Variants in LRRC45 observed in about 807,000 individuals in gnomAD.
LRRC45 encodes the protein leucine rich repeat containing 45, also known as leucine-rich repeat-containing protein 45.
LRRC45 carries 73 observed loss-of-function variants against 85.4 expected under a neutral mutation model. The observed-to-expected ratio is 0.85, with a 90% CI of 0.71 to 1.04. The LOEUF (loss-of-function observed/expected upper bound fraction) is 1.04. Ranked by LOEUF, LRRC45 falls within the 50% of genes least tolerant of loss-of-function variation. LRRC45 has a pLI of 0.00. For missense variants in LRRC45, 937 were observed against 883.3 expected (o/e 1.06, Z -0.77); for synonymous variants, 429 against 386.0 (o/e 1.11, Z -1.31).
chr17:82,024,034 G>A (rs559800222), intron 1 of LRRC45, 171 bp downstream of exon 1: 3 of 718,528 alleles, frequency 4.2e-6, no homozygotes, highest in African/African-American at 1.8e-5. Flanking sequence ...TCTGTATGAC[G>A]GGGGAGAGGC....
rs776100787 is a variant in LRRC45, at chr17:82,025,362, T to C, written c.533-17T>C. On this transcript the variant is annotated splice_polypyrimidine_tract_variant and intron_variant, in intron 4 of 16. Transcript: ENST00000306688. ...TGCCAGGTGCATTCTGTCTGGTGAC[T>C]ACAGGTTTCCTTCCAGACCTGCGCT... The C allele has an allele frequency of 8.3e-6, 13 of 1,561,930 alleles. No homozygotes were observed. Among genetic ancestry groups the C allele is most frequent in the Non-Finnish European group, 1.1e-5 (13 of 1,152,972 alleles).
intron 6 of LRRC45, 68 bp downstream of exon 6, chr17:82,027,079 C>T: frequency 7.5e-7 from 1 of 1,336,368 alleles, no homozygotes; most frequent in Non-Finnish European, 1.0e-6. Flanking sequence ...GTCCTTCCTC[C>T]CTCAGCCCCG....
chr17:82,029,242 G>A (rs758791243), intron 13 of LRRC45, 57 bp downstream of exon 13: 8 of 1,531,618 alleles, frequency 5.2e-6, no homozygotes, highest in Non-Finnish European at 6.2e-6. Flanking sequence ...GAACAAGGCA[G>A]GGGCCCCTGG....
At chr17:82,028,192 G>A (rs772697300) in intron 9 of LRRC45, 42 bp from the exon 10 acceptor site, 67 of 1,559,866 alleles carry the variant, frequency 4.3e-5, no homozygotes, top group Non-Finnish European at 5.2e-5. Context: ...GGTGCGTGGC[G>A]GCTTCGTGAC....
At position 82,029,092 on chromosome 17, in the gene LRRC45, G is replaced by A. The variant is rs1361753828; in HGVS notation, c.1309-1G>A. 6.2e-7 allele frequency: 1 copy of A among 1,612,062 alleles called. No homozygotes were observed. The highest frequency in any genetic ancestry group is 8.5e-7 in the Non-Finnish European group (1 of 1,179,770). On this transcript the variant is annotated splice_acceptor_variant, in intron 12 of 16. Coordinates refer to ENST00000306688, the MANE Select transcript of LRRC45 (RefSeq NM_144999.4). LOFTEE classifies it high-confidence loss of function. ...GCCCCACAATCCCTGCCCCTGAGCA[G>A]GTGGAGCATATGACCCGTCACCTGG...
In LRRC45 at chr17:82,027,319, C is replaced by T. The variant is rs558677092; in HGVS notation, c.775-67C>T. On this transcript the variant is annotated intron_variant, in intron 6 of 16. Coordinates refer to ENST00000306688, the MANE Select transcript of LRRC45 (RefSeq NM_144999.4). ...CATTGGTGGGCGCTGGCTCTCCTTC[C>T]CCCTGAGAAGGTCAGGTGGACAGGC... 303 of 1,581,908 alleles carry T rather than the reference C, an allele frequency of 1.9e-4. 1 individual carries two copies. The highest frequency in any genetic ancestry group is 2.3e-4 in the Non-Finnish European group (267 of 1,153,648).
Position 82,023,492 on chromosome 17 carries a change from C to T in LRRC45, c.-152C>T. On this transcript the variant is annotated 5_prime_UTR_variant, in exon 1 of 17. Coordinates refer to ENST00000306688, the MANE Select transcript of LRRC45 (RefSeq NM_144999.4). ...CCGCCCAGCCCCGCGCTCCCAGGAC[C>T]TCCCGCCCGCGGAGCCCACTCGGAT... 2 of 679,798 alleles carry T rather than the reference C, an allele frequency of 2.9e-6. No homozygotes were observed. The highest frequency in any genetic ancestry group is 3.1e-5 in the Admixed American group (1 of 32,254). 42.1% of individuals were successfully genotyped at this position (679,798 alleles called of 1,614,324 possible). A position where few individuals can be genotyped will look rare whatever the true frequency, so the allele number is the denominator to read the frequency against.
Position 82,030,901 on chromosome 17 carries a change from C to A in LRRC45, c.*96C>A. The A allele has an allele frequency of 1.0e-6, 1 of 975,346 alleles. No individual in the cohort carries two copies. Among genetic ancestry groups the A allele is most frequent in the Non-Finnish European group, 1.4e-6 (1 of 737,434 alleles). The allele number at this position is 975,346 out of a possible 1,614,324, so 60.4% of individuals were successfully genotyped here. ...CCCGCCCGCGCCGCCTCTTTGAGAC[C>A]CGGGTCGTCTGTTCCACGCGGCGGT... On this transcript the variant is annotated 3_prime_UTR_variant, in exon 17 of 17. Transcript: ENST00000306688.
intron 6 of LRRC45, 91 bp from the exon 7 acceptor site, chr17:82,027,295 A>G (rs1356778081): frequency 6.0e-6 from 9 of 1,508,384 alleles, no homozygotes; most frequent in Non-Finnish European, 8.3e-6. Context: ...GCCTTGCCAC[A>G]TTGGTGGGCG....
intron 11 of LRRC45, 44 bp downstream of exon 11, chr17:82,028,552 A>C (rs368294575): frequency 3.2e-5 from 51 of 1,610,660 alleles, no homozygotes; most frequent in Non-Finnish European, 4.1e-5. Context: ...GGGGATGGGC[A>C]CCGGGGGACG....
chr17:82,028,814 C>A, intron 12 of LRRC45, 131 bp downstream of exon 12: 1 of 1,078,630 alleles, frequency 9.3e-7, no homozygotes, highest in Non-Finnish European at 1.3e-6. Flanking sequence ...ATTTTGCCAG[C>A]CTGAGCGGAT....
rs775792915 is a variant in LRRC45 at position 82,030,808 on chromosome 17, C to T, written c.*3C>T. ...GGACCCTGAGCCCCCCAAAGTGAGACAGGCCGGGAGGACCCGGGCGCAGTA... is the reference window on the plus strand; with the variant it reads ...GGACCCTGAGCCCCCCAAAGTGAGATAGGCCGGGAGGACCCGGGCGCAGTA... On this transcript the variant is annotated 3_prime_UTR_variant, in exon 17 of 17. Transcript: ENST00000306688. 1.5e-6 allele frequency: 2 copies of T among 1,349,180 alleles called. No individual in the cohort carries two copies. The allele number at this position is 1,349,180 out of a possible 1,614,324, so 83.6% of individuals were successfully genotyped here.
rs376511672 is a variant in LRRC45, at chr17:82,030,211, G to T, written c.1641G>T (p.Leu547=). The part of the protein sequence containing the change: ...VSQLGLQVEG[L]RRRLEELQQE... Reference sequence around the variant, plus strand: ...AGCTGGGCCTGCAAGTTGAGGGCCTGCGGCGGCGCCTGGAAGAGCTGCAGC... The same window carrying T: ...AGCTGGGCCTGCAAGTTGAGGGCCTTCGGCGGCGCCTGGAAGAGCTGCAGC... Residue 547 remains leucine (L), a synonymous_variant, in exon 15 of 17, where the codon CTG becomes CTT. Transcript: ENST00000306688. 3.3e-6 allele frequency: 5 copies of T among 1,537,840 alleles called. No individual in the cohort carries two copies. The Middle Eastern group carries it at 5.4e-4, about 167-fold the overall frequency.
intron 14 of LRRC45, 51 bp downstream of exon 14, chr17:82,029,686 T>G (rs1184735786): frequency 6.6e-7 from 1 of 1,512,318 alleles, no homozygotes; most frequent in Non-Finnish European, 9.0e-7. Flanking sequence ...TGCCCGGCAT[T>G]GCGGCCCGCA....
intron 5 of LRRC45, among the ~76,000 whole-genome samples, chr17:82,026,565 T>TGC (rs1491230878): frequency 6.8e-5 from 1 of 14,766 alleles, no homozygotes; most frequent in African/African-American, 2.3e-4. Context: ...ACAGCTCCTT[T>TGC]GTGTGTGTGT....
rs371038984 is a variant in LRRC45, at chr17:82,030,658, C to T, written c.1866C>T (p.Asn622=). 1.1e-4 allele frequency: 154 copies of T among 1,433,280 alleles called. No homozygotes were observed. In the African/African-American group the frequency reaches 2.0e-3, roughly 19 times the overall value. The allele number at this position is 1,433,280 out of a possible 1,614,324, so 88.8% of individuals were successfully genotyped here. A position where few individuals can be genotyped will look rare whatever the true frequency, so the allele number is the denominator to read the frequency against. Residue 622 remains asparagine (N), a synonymous_variant, in exon 17 of 17, where the codon AAC becomes AAT. Coordinates refer to ENST00000306688, the MANE Select transcript of LRRC45 (RefSeq NM_144999.4). Reference sequence around the variant, plus strand: ...CGCTGCTGGACAGGGAGAGCGAGAACGCGTCTCTCCGGGAGAAGCTGCGGC... The same window carrying T: ...CGCTGCTGGACAGGGAGAGCGAGAATGCGTCTCTCCGGGAGAAGCTGCGGC... The part of the protein sequence containing the change: ...REALLDRESE[N]ASLREKLRLR...
chr17:82,029,495 C>A, intron 13 of LRRC45, 48 bp from the exon 14 acceptor site: 1 of 1,539,444 alleles, frequency 6.5e-7, no homozygotes, highest in Non-Finnish European at 8.8e-7. Context: ...AGAGAAGGGC[C>A]CTGGGCCAGG....
chr17:82,027,978 C>G, intron 8 of LRRC45, 33 bp from the exon 9 acceptor site: 2 of 1,568,480 alleles, frequency 1.3e-6, no homozygotes, highest in Non-Finnish European at 1.7e-6. Flanking sequence ...GAAACTCCAA[C>G]CGGGGCGGGG....
Position 82,027,756 on chromosome 17 carries a change from G to T in LRRC45, c.911+5G>T, listed in dbSNP as rs751280904. 6.2e-7 allele frequency: 1 copy of T among 1,610,002 alleles called. No individual in the cohort carries two copies. The highest frequency in any genetic ancestry group is 2.2e-5 in the East Asian group (1 of 44,870). ...CATCAACGCTCTCAAGGCCAAGTAA[G>T]TGGGGGGTGGCCTCAGGATACTTCA... On this transcript the variant is annotated splice_donor_5th_base_variant and intron_variant, in intron 8 of 16. Coordinates refer to ENST00000306688, the MANE Select transcript of LRRC45 (RefSeq NM_144999.4).
Sources: allele counts gnomAD v4.1 joint callset (sites outside exome capture counted in the v4.1 genomes callset), GRCh38; gene constraint gnomAD v4.1.1; transcripts MANE v1.5; gene names NCBI Gene and HGNC (gene_info 2026-07-23, HGNC 2026-07-21).